RANBP17: variants seen among roughly 807,000 people sequenced by gnomAD.
The protein encoded by RANBP17 is RAN binding protein 17.
RANBP17 carries 158 observed loss-of-function variants against 141.2 expected under a neutral mutation model. The ratio of observed to expected loss-of-function variants is 1.12; its 90% confidence interval spans 0.98 to 1.28. The LOEUF is 1.28. Among genes scored for constraint, RANBP17 ranks in the 50% most tolerant of loss-of-function variants. The probability of loss-of-function intolerance (pLI) is 0.00; values close to 1 mark genes in which losing one functional copy is unlikely to be tolerated. For synonymous variants in RANBP17, 430 were observed against 450.0 expected, an observed-to-expected ratio of 0.96 and a Z score of 0.56; for missense variants, 1,438 against 1,290.7, an observed-to-expected ratio of 1.11 and a Z score of -1.75.
At chr5:171,014,375 T>C (rs899317571) in intron 14 of RANBP17, among the ~76,000 whole-genome samples, 2 of 152,038 alleles carry the variant, frequency 1.3e-5, no homozygotes, top group Non-Finnish European at 2.9e-5. Flanking sequence ...TTTTTATCTG[T>C]TTTATTCAAT....
At chr5:171,226,889 T>A (rs1763914368) in intron 22 of RANBP17, among the ~76,000 whole-genome samples, 1 of 152,366 alleles carries the variant, frequency 6.6e-6, no homozygotes, top group Middle Eastern at 3.4e-3. Flanking sequence ...GTGTTTTTTA[T>A]AAATTGAAGG....
intron 14 of RANBP17, among the ~76,000 whole-genome samples, chr5:171,144,890 T>G (rs1464185184): frequency 3.3e-5 from 5 of 152,186 alleles, no homozygotes; most frequent in Admixed American, 1.3e-4. Flanking sequence ...GATTTTTATA[T>G]TACTATTTCT....
At chr5:171,033,602 G>GT (rs1231280607) in intron 14 of RANBP17, among the ~76,000 whole-genome samples, 1 of 151,860 alleles carries the variant, frequency 6.6e-6, no homozygotes, top group Non-Finnish European at 1.5e-5. Flanking sequence ...TCTGGGTTTT[G>GT]TTTTATATTA....
At chr5:171,062,806 G>A (rs1253589051) in intron 14 of RANBP17, among the ~76,000 whole-genome samples, 2 of 152,098 alleles carry the variant, frequency 1.3e-5, no homozygotes, top group African/African-American at 2.4e-5. Flanking sequence ...CCAATCAGAC[G>A]TAGATTTGGT....
intron 14 of RANBP17, among the ~76,000 whole-genome samples, chr5:171,089,331 T>C (rs1290930505): frequency 4.1e-4 from 58 of 139,974 alleles, no homozygotes; most frequent in African/African-American, 1.1e-3. Flanking sequence ...GATCTCCAGC[T>C]GCGTGCTGGG....
At chr5:170,947,013 TGA>T (rs975649790) in intron 12 of RANBP17, among the ~76,000 whole-genome samples, 33 of 152,318 alleles carry the variant, frequency 2.2e-4, no homozygotes, top group African/African-American at 5.8e-4. Flanking sequence ...AGCAGGTGAC[TGA>T]GAGTATTGAT....
intron 14 of RANBP17, among the ~76,000 whole-genome samples, chr5:171,022,716 G>C (rs142870651): frequency 6.6e-6 from 1 of 152,312 alleles, no homozygotes; most frequent in African/African-American, 2.4e-5. Context: ...AACTTAGCGT[G>C]TTAGGCAGTT....
intron 14 of RANBP17, among the ~76,000 whole-genome samples, chr5:171,164,356 CT>C (rs532758424): frequency 6.6e-6 from 1 of 152,096 alleles, no homozygotes; most frequent in Non-Finnish European, 1.5e-5. Context: ...TCGGCACATG[CT>C]TTTTTTATTC....
intron 12 of RANBP17, among the ~76,000 whole-genome samples, chr5:170,926,588 C>T (rs1057022210): frequency 1.3e-5 from 2 of 151,970 alleles, no homozygotes; most frequent in African/African-American, 2.4e-5. Flanking sequence ...TCCAAGTTTG[C>T]GACCTGTCTG....
intron 14 of RANBP17, among the ~76,000 whole-genome samples, chr5:170,972,956 A>G (rs1777099892): frequency 6.6e-6 from 1 of 152,168 alleles, no homozygotes; most frequent in Non-Finnish European, 1.5e-5. Flanking sequence ...TATAAAATGA[A>G]TTCTTGCTTA....
intron 14 of RANBP17, among the ~76,000 whole-genome samples, chr5:170,973,562 A>G (rs1350610829): frequency 6.6e-6 from 1 of 152,228 alleles, no homozygotes; most frequent in East Asian, 1.9e-4. Flanking sequence ...GAGAATCAAC[A>G]TTCGGTTATA....
chr5:171,296,901 A>G (rs551909743), intron 27 of RANBP17, among the ~76,000 whole-genome samples: 1 of 152,372 alleles, frequency 6.6e-6, no homozygotes, highest in Non-Finnish European at 1.5e-5. Context: ...CAACAGAGTG[A>G]GACTCTGTCT....
At chr5:171,192,153 A>G (rs1430562310) in intron 18 of RANBP17, among the ~76,000 whole-genome samples, 1 of 152,218 alleles carries the variant, frequency 6.6e-6, no homozygotes, top group African/African-American at 2.4e-5. Context: ...GAAATAGCTG[A>G]TAGATAGGAA....
intron 15 of RANBP17, among the ~76,000 whole-genome samples, chr5:171,170,458 A>T (rs1362995757): frequency 6.6e-6 from 1 of 152,070 alleles, no homozygotes; most frequent in Non-Finnish European, 1.5e-5. Flanking sequence ...ATTTTAAAAG[A>T]TTTACAGACC....
At chr5:171,270,199 T>G (rs566022898) in intron 25 of RANBP17, among the ~76,000 whole-genome samples, 1 of 152,350 alleles carries the variant, frequency 6.6e-6, no homozygotes, top group East Asian at 1.9e-4. Context: ...TTCTCTTCTA[T>G]GTGGCTTTAG....
At chr5:171,006,304 C>T (rs567980489) in intron 14 of RANBP17, among the ~76,000 whole-genome samples, 7 of 152,220 alleles carry the variant, frequency 4.6e-5, no homozygotes, top group East Asian at 3.9e-4. Flanking sequence ...CACGTATGTT[C>T]ATTGTGGCAC....
rs546482870 is a variant in RANBP17, at chr5:171,169,931, TAGG to T, written c.1711-196_1711-194del. ...GTGTAAGCGTTTATATATTTCAAAA[TAGG>T]AGCGATCTGGAGGAAAAAGTTAGCA... On this transcript the variant is annotated intron_variant, in intron 14 of 27. Coordinates refer to ENST00000523189, the MANE Select transcript of RANBP17 (RefSeq NM_022897.5). 3.0e-3 allele frequency among the ~76,000 whole-genome samples: 459 copies of T among 152,174 alleles called. 2 individuals are homozygous for T. Among genetic ancestry groups the T allele is most frequent in the African/African-American group, 0.01 (436 of 41,544 alleles).
chr5:171,064,689 G>C (rs907320174), intron 14 of RANBP17, among the ~76,000 whole-genome samples: 1 of 151,928 alleles, frequency 6.6e-6, no homozygotes, highest in Non-Finnish European at 1.5e-5. Flanking sequence ...GCTAATTTTT[G>C]TATTTTTTTT....
At chr5:171,186,857 T>C (rs1169790081) in intron 18 of RANBP17, among the ~76,000 whole-genome samples, 2 of 152,016 alleles carry the variant, frequency 1.3e-5, no homozygotes, top group African/African-American at 4.8e-5. Flanking sequence ...AATAGGGTTG[T>C]TTCACTTTCT....
Sources: allele counts gnomAD v4.1 joint callset (sites outside exome capture counted in the v4.1 genomes callset), GRCh38; gene constraint gnomAD v4.1.1; transcripts MANE v1.5; gene names NCBI Gene and HGNC (gene_info 2026-07-23, HGNC 2026-07-21).